Variants in NPAS3 observed in about 807,000 individuals in gnomAD.
NPAS3 encodes the protein neuronal PAS domain protein 3, also known as neuronal PAS domain-containing protein 3.
Under a neutral mutation model 73.1 loss-of-function variants are expected in NPAS3, and 14 were observed. The ratio of observed to expected loss-of-function variants is 0.19; its 90% CI spans 0.13 to 0.30. The LOEUF (loss-of-function observed/expected upper bound fraction) is 0.30. Among genes scored for constraint, NPAS3 ranks in the 10% least tolerant of loss-of-function variants. The probability of loss-of-function intolerance (pLI) is 1.00; values close to 1 mark genes in which losing one functional copy is unlikely to be tolerated. For missense variants in NPAS3, 1,096 were observed against 1,250.0 expected, an observed-to-expected ratio of 0.88 and a Z score of 1.86; for synonymous variants, 620 against 541.5, an observed-to-expected ratio of 1.14 and a Z score of -2.01.
intron 4 of NPAS3, among the ~76,000 whole-genome samples, chr14:33,513,080 G>A (rs2053135431): frequency 6.6e-6 from 1 of 151,988 alleles, no homozygotes. Context: ...GTCATTGGTG[G>A]ATGACAGAAC....
intron 4 of NPAS3, among the ~76,000 whole-genome samples, chr14:33,451,235 G>T (rs1041685556): frequency 5.6e-4 from 85 of 152,198 alleles, no homozygotes; most frequent in African/African-American, 1.9e-3. Context: ...CTCCTTATTT[G>T]CTCTGCCTGC....
intron 4 of NPAS3, among the ~76,000 whole-genome samples, chr14:33,402,851 C>T (rs4503707): frequency 0.2 from 29,873 of 152,132 alleles, 3,434 homozygotes; most frequent in African/African-American, 0.29. Context: ...CACTGTTTTT[C>T]TGACAAGGAC....
chr14:33,459,181 G>A (rs1385801293), intron 4 of NPAS3, among the ~76,000 whole-genome samples: 1 of 152,108 alleles, frequency 6.6e-6, no homozygotes, highest in Non-Finnish European at 1.5e-5. Flanking sequence ...TTTGGTTTTG[G>A]TGGGTTTTGG....
chr14:33,025,724 T>C (rs2039777888), intron 1 of NPAS3, among the ~76,000 whole-genome samples: 1 of 152,128 alleles, frequency 6.6e-6, no homozygotes, highest in Non-Finnish European at 1.5e-5. Flanking sequence ...GTGTGGCACT[T>C]CCCCCTTCAT....
At chr14:33,035,605 A>C (rs183350866) in intron 1 of NPAS3, among the ~76,000 whole-genome samples, 1 of 152,326 alleles carries the variant, frequency 6.6e-6, no homozygotes, top group East Asian at 1.9e-4. Flanking sequence ...TGAAAACTAT[A>C]ACAGACATTA....
intron 5 of NPAS3, among the ~76,000 whole-genome samples, chr14:33,594,427 C>G (rs551541222): frequency 1.3e-5 from 2 of 152,186 alleles, no homozygotes; most frequent in South Asian, 4.1e-4. Context: ...TGGTCTCAAA[C>G]AAATCTTTTC....
At chr14:33,540,666 G>T (rs548186546) in intron 4 of NPAS3, among the ~76,000 whole-genome samples, 1 of 152,242 alleles carries the variant, frequency 6.6e-6, no homozygotes, top group African/African-American at 2.4e-5. Flanking sequence ...CAAGAGAAGG[G>T]GGAAAAATGG....
intron 1 of NPAS3, among the ~76,000 whole-genome samples, chr14:33,037,240 T>C (rs2040198869): frequency 6.6e-6 from 1 of 152,220 alleles, no homozygotes; most frequent in Non-Finnish European, 1.5e-5. Context: ...TCATTAATCC[T>C]TTCTGCATTC....
rs146814243 is a variant in NPAS3, at chr14:33,498,926, C to CAG, written c.469-61186_469-61185dup. On this transcript the variant is annotated intron_variant, in intron 4 of 11. Coordinates refer to ENST00000356141, the Ensembl canonical transcript of NPAS3. ...GTTTTAAATGAATGAGAGAGAGAGA[C>CAG]AGAGAGAGAGTGTGTGTGTGTGTGT... is the stretch of plus-strand genomic sequence containing the variant. Among the ~76,000 whole-genome samples the CAG allele has an allele frequency of 5.8e-3, 658 of 114,246 alleles. 6 individuals are homozygous for CAG. Among genetic ancestry groups the CAG allele is most frequent in the Middle Eastern group, 0.014 (3 of 216 alleles). The allele number at this position is 114,246 out of a possible 152,430, so 74.9% of individuals were successfully genotyped here. A position where few individuals can be genotyped will look rare whatever the true frequency, so the allele number is the denominator to read the frequency against.
At chr14:33,784,754 T>TATTTA (rs1317655791) in intron 9 of NPAS3, among the ~76,000 whole-genome samples, 1 of 124,372 alleles carries the variant, frequency 8.0e-6, no homozygotes, top group African/African-American at 3.4e-5. Flanking sequence ...TATTTTTTTT[T>TATTTA]TTTTTTTTTT....
chr14:33,161,065 C>G (rs1455769317), intron 2 of NPAS3, among the ~76,000 whole-genome samples: 4 of 152,178 alleles, frequency 2.6e-5, no homozygotes, highest in Non-Finnish European at 5.9e-5. Context: ...CGTTCATGTA[C>G]TGGCTGGAAC....
chr14:33,389,709 C>G (rs1329502834), intron 4 of NPAS3, among the ~76,000 whole-genome samples: 2 of 152,102 alleles, frequency 1.3e-5, no homozygotes, highest in African/African-American at 4.8e-5. Context: ...AGAAAATTAT[C>G]TTAAAATTTG....
At chr14:33,220,344 T>C (rs966503761) in intron 3 of NPAS3, among the ~76,000 whole-genome samples, 1 of 152,104 alleles carries the variant, frequency 6.6e-6, no homozygotes, top group Non-Finnish European at 1.5e-5. Flanking sequence ...CCAGTGTTCG[T>C]TGTTGTTTAT....
In NPAS3 at chr14:33,514,593, T is replaced by G. The variant is rs565297813; in HGVS notation, c.469-45528T>G. On this transcript the variant is annotated intron_variant, in intron 4 of 11. Transcript: ENST00000356141. ...ATCTTATCTAATCTCGTCAAGAAGG[T>G]TCCACAAAATTTAACAAATTGAATT... is the stretch of plus-strand genomic sequence containing the variant. Among the ~76,000 whole-genome samples, 33 of 152,058 alleles carry G rather than the reference T, an allele frequency of 2.2e-4. No individual in the cohort carries two copies. In the East Asian group the frequency reaches 6.2e-3, roughly 29 times the overall value.
At chr14:33,077,773 G>GATTTTTTTTT in intron 2 of NPAS3, among the ~76,000 whole-genome samples, 1 of 19,254 alleles carries the variant, frequency 5.2e-5, no homozygotes, top group African/African-American at 1.3e-4. Flanking sequence ...TTGCAGTAAG[G>GATTTTTTTTT]GTTTTTTTTT....
intron 3 of NPAS3, among the ~76,000 whole-genome samples, chr14:33,305,615 AG>A (rs1210628124): frequency 6.6e-6 from 1 of 152,256 alleles, no homozygotes; most frequent in East Asian, 1.9e-4. Context: ...AATATTTTTA[AG>A]ATTGGTAATT....
chr14:33,426,781 A>T (rs2048571809), intron 4 of NPAS3, among the ~76,000 whole-genome samples: 1 of 152,092 alleles, frequency 6.6e-6, no homozygotes. Context: ...CTGTATTCTT[A>T]AGAAAATTAC....
chr14:33,736,898 G>T (rs547078098), intron 7 of NPAS3, among the ~76,000 whole-genome samples: 1 of 152,244 alleles, frequency 6.6e-6, no homozygotes, highest in South Asian at 2.1e-4. Flanking sequence ...CCACAAACTA[G>T]AGATCATAAA....
At chr14:33,323,263 T>C (rs1664911610) in intron 3 of NPAS3, among the ~76,000 whole-genome samples, 1 of 152,216 alleles carries the variant, frequency 6.6e-6, no homozygotes, top group African/African-American at 2.4e-5. Flanking sequence ...ACCTCTTCTC[T>C]TGACTTTACA....
Sources: allele counts gnomAD v4.1 joint callset (sites outside exome capture counted in the v4.1 genomes callset), GRCh38; gene constraint gnomAD v4.1.1; transcripts MANE v1.5; gene names NCBI Gene and HGNC (gene_info 2026-07-23, HGNC 2026-07-21).